The following KIF20B variants were observed in gnomAD, a reference collection of about 807,000 sequenced individuals.
KIF20B encodes the protein kinesin-like protein KIF20B.
KIF20B carries 188 observed loss-of-function variants against 232.5 expected under a neutral mutation model. That is an observed-to-expected ratio of 0.81 (90% confidence interval 0.72 to 0.91). The LOEUF is 0.91. Among genes scored for constraint, KIF20B ranks in the 40% least tolerant of loss-of-function variants. The pLI is 0.00. For synonymous variants in KIF20B, 712 were observed against 683.0 expected, an observed-to-expected ratio of 1.04 and a Z score of -0.66; for missense variants, 2,154 against 2,055.9, an observed-to-expected ratio of 1.05 and a Z score of -0.92.
chr10:89,712,410 C>A (rs1324562616), intron 6 of KIF20B, among the ~76,000 whole-genome samples: 1 of 152,000 alleles, frequency 6.6e-6, no homozygotes, highest in South Asian at 2.1e-4. Context: ...GGCATGCCAC[C>A]ACTCCTGGCT....
chr10:89,723,586 A>T (rs1843113957), intron 13 of KIF20B: 1 of 154,200 alleles, frequency 6.5e-6, no homozygotes, highest in Non-Finnish European at 1.4e-5. Flanking sequence ...TCTGATCCTT[A>T]TGCTTCCCAC....
At chr10:89,721,370 G>C (rs900033040) in intron 13 of KIF20B, among the ~76,000 whole-genome samples, 1 of 152,122 alleles carries the variant, frequency 6.6e-6, no homozygotes. Flanking sequence ...GTGACGAAAG[G>C]AGCCTTTAAT....
At chr10:89,749,540 C>G (rs947491390) in intron 23 of KIF20B, among the ~76,000 whole-genome samples, 2 of 151,956 alleles carry the variant, frequency 1.3e-5, no homozygotes, top group African/African-American at 4.8e-5. Flanking sequence ...AAAAAGAAAC[C>G]CTGTACCCAT....
chr10:89,704,422 T>A (rs1564655419), intron 1 of KIF20B, among the ~76,000 whole-genome samples: 1 of 152,250 alleles, frequency 6.6e-6, no homozygotes, highest in Non-Finnish European at 1.5e-5. Context: ...TCAATGGTAA[T>A]AGTTTACTGA....
chr10:89,709,030 A>G (rs1178808505), intron 2 of KIF20B, 137 bp from the exon 3 acceptor site: 1 of 649,984 alleles, frequency 1.5e-6, no homozygotes, highest in East Asian at 2.9e-5. Context: ...TAACATTATT[A>G]AAAGCAGGAT....
intron 2 of KIF20B, among the ~76,000 whole-genome samples, chr10:89,706,688 T>C (rs1373510941): frequency 6.6e-6 from 1 of 151,998 alleles, no homozygotes; most frequent in African/African-American, 2.4e-5. Flanking sequence ...TGAAAAGACT[T>C]TCCTTTCCCT....
At chr10:89,753,054 ATTACT>A (rs1266104227) in intron 25 of KIF20B, among the ~76,000 whole-genome samples, 4 of 152,316 alleles carry the variant, frequency 2.6e-5, no homozygotes, top group East Asian at 3.9e-4. Context: ...AATTATTTTG[ATTACT>A]TTAAATCTCT....
In KIF20B at chr10:89,754,504, A is replaced by G. The variant is rs778028241; in HGVS notation, c.4348-14A>G. On this transcript the variant is annotated splice_polypyrimidine_tract_variant and intron_variant, in intron 25 of 32. Transcript: ENST00000371728. ...TAGGCATGCGATAATAACTTATACC[A>G]TTTATATATACAGGAGTCTGAACAG... 74 of 1,521,692 alleles carry G rather than the reference A, an allele frequency of 4.9e-5. 1 individual carries two copies. The highest frequency in any genetic ancestry group is 2.8e-5 in the African/African-American group (2 of 71,480). 94.3% of individuals were successfully genotyped at this position (1,521,692 alleles called of 1,614,324 possible).
At chr10:89,735,885 A>G (rs1436522109) in intron 19 of KIF20B, among the ~76,000 whole-genome samples, 2 of 152,208 alleles carry the variant, frequency 1.3e-5, no homozygotes, top group African/African-American at 4.8e-5. Flanking sequence ...CCAAACCTAC[A>G]TTATAATTGT....
chr10:89,730,803 G>C (rs774573414), intron 18 of KIF20B, among the ~76,000 whole-genome samples: 5 of 152,096 alleles, frequency 3.3e-5, no homozygotes, highest in Non-Finnish European at 5.9e-5. Flanking sequence ...GGGAGTCAGT[G>C]GGGGAGTCAT....
At chr10:89,750,169 A>G (rs930656007) in intron 23 of KIF20B, among the ~76,000 whole-genome samples, 1 of 152,140 alleles carries the variant, frequency 6.6e-6, no homozygotes, top group Admixed American at 6.5e-5. Flanking sequence ...ATAGGTGAGT[A>G]GCCATTAGTG....
At position 89,731,445 on chromosome 10, in the gene KIF20B, CA is replaced by C. The variant is rs1589863526; in HGVS notation, c.2392-1455del. ...GTTCACTTAAATACATACAAATATA[CA>C]AAGTAGTTTGGAACTTACCTAATTG... On this transcript the variant is annotated intron_variant, in intron 18 of 32. Transcript: ENST00000371728. Among the ~76,000 whole-genome samples, 4 of 152,248 alleles carry C rather than the reference CA, an allele frequency of 2.6e-5. No individual in the cohort carries two copies. In the East Asian group the frequency reaches 7.7e-4, roughly 29 times the overall value.
intron 29 of KIF20B, among the ~76,000 whole-genome samples, chr10:89,765,905 C>T (rs1377037638): frequency 6.6e-6 from 1 of 152,038 alleles, no homozygotes; most frequent in Non-Finnish European, 1.5e-5. Flanking sequence ...TTGTGGGTAA[C>T]CCGACCTTTC....
At chr10:89,743,952 G>T in intron 22 of KIF20B, 25 bp downstream of exon 22, 1 of 1,558,614 alleles carries the variant, frequency 6.4e-7, no homozygotes, top group South Asian at 1.2e-5. Flanking sequence ...TTTTAAAGAT[G>T]ATTTAAATGC....
At chr10:89,771,704 T>C (rs1428003559) in intron 31 of KIF20B, among the ~76,000 whole-genome samples, 1 of 151,970 alleles carries the variant, frequency 6.6e-6, no homozygotes, top group Non-Finnish European at 1.5e-5. Flanking sequence ...TCGGTACTTT[T>C]CCACGTATAG....
rs200660465 is a variant in KIF20B at position 89,738,552 on chromosome 10, A to G, written c.3711A>G (p.Gln1237=). The change falls in exon 20 of 33, where the codon CAA becomes CAG. Residue 1237 remains glutamine, a synonymous_variant. Coordinates refer to ENST00000371728, the MANE Select transcript of KIF20B (RefSeq NM_001284259.2). ...TCACACAGTTAACAAATAATTTGCA[A>G]GATATGAAACATTTACTTCAATTAA... is the stretch of plus-strand genomic sequence containing the variant. The part of the protein sequence containing the change: ...EEITQLTNNL[Q]DMKHLLQLKE... 167 of 1,588,668 alleles carry G rather than the reference A, an allele frequency of 1.1e-4. 1 individual carries two copies. The East Asian group carries it at 3.3e-3, about 31-fold the overall frequency.
intron 32 of KIF20B, among the ~76,000 whole-genome samples, chr10:89,773,103 A>G (rs1842498843): frequency 1.3e-5 from 2 of 152,022 alleles, no homozygotes; most frequent in Admixed American, 6.6e-5. Flanking sequence ...TGCCTCCACA[A>G]TCTTTTTTTC....
intron 13 of KIF20B, among the ~76,000 whole-genome samples, chr10:89,721,244 T>G (rs1416957712): frequency 6.6e-6 from 1 of 152,232 alleles, no homozygotes; most frequent in Non-Finnish European, 1.5e-5. Context: ...ATTGAACATA[T>G]GTTTGGAAAC....
At chr10:89,743,971 G>T (rs751822900) in intron 22 of KIF20B, 44 bp downstream of exon 22, 4 of 1,514,862 alleles carry the variant, frequency 2.6e-6, no homozygotes, top group South Asian at 2.7e-5. Context: ...GCATTCTCTT[G>T]GTATATTTTA....
Sources: gnomAD v4.1 joint callset for allele counts (sites outside exome capture counted in the v4.1 genomes callset) on GRCh38, gnomAD v4.1.1 for gene constraint, MANE v1.5 for transcripts, NCBI Gene and HGNC (gene_info 2026-07-23, HGNC 2026-07-21) for gene names.